ITGAE: variants seen among roughly 807,000 people sequenced by gnomAD.
ITGAE encodes the protein integrin subunit alpha E.
ITGAE carries 99 observed loss-of-function variants against 136.5 expected under a neutral mutation model. The observed-to-expected ratio is 0.73, with a 90% CI of 0.62 to 0.86. The LOEUF is 0.86. ITGAE is among the 40% of genes least tolerant of loss of function. The pLI is 0.00. For missense variants in ITGAE, 1,447 were observed against 1,515.3 expected (o/e 0.95, Z 0.75); for synonymous variants, 613 against 591.8 (o/e 1.04, Z -0.52).
intron 2 of ITGAE, among the ~76,000 whole-genome samples, chr17:3,768,513 G>A (rs923798437): frequency 2.6e-5 from 4 of 152,120 alleles, no homozygotes; most frequent in African/African-American, 9.7e-5. Flanking sequence ...GGTGACCAGC[G>A]CCAGCATTTC....
intron 2 of ITGAE, among the ~76,000 whole-genome samples, chr17:3,767,499 C>A (rs2052327851): frequency 6.6e-6 from 1 of 152,216 alleles, no homozygotes; most frequent in Admixed American, 6.5e-5. Flanking sequence ...TCCCAAAGTG[C>A]TGGAATTACA....
At chr17:3,731,333 T>C in intron 22 of ITGAE, 150 bp from the exon 23 acceptor site, 2 of 467,230 alleles carry the variant, frequency 4.3e-6, no homozygotes, top group Non-Finnish European at 7.6e-6. Flanking sequence ...TCCTTTCCCT[T>C]CCTTTTTTTT....
At position 3,794,540 on chromosome 17, in the gene ITGAE, T is replaced by C. The variant is rs143678314; in HGVS notation, c.34+6571A>G. Among the ~76,000 whole-genome samples the C allele has an allele frequency of 1.2e-3, 177 of 152,240 alleles. 1 individual carries two copies. Among genetic ancestry groups the C allele is most frequent in the African/African-American group, 4.1e-3 (171 of 41,552 alleles). On this transcript the variant is annotated intron_variant, in intron 1 of 30. Transcript: ENST00000263087. ...GCCTGGCATGGTGGCCCACCCTCGG[T>C]AGGTGCTGGGAGAGTGGCCACTTAC...
chr17:3,736,874 T>TGTTTGGTTTTG (rs1417373405), intron 20 of ITGAE, among the ~76,000 whole-genome samples: 17 of 151,634 alleles, frequency 1.1e-4, no homozygotes, highest in Admixed American at 5.9e-4. Context: ...TTGTTCCCAT[T>TGTTTGGTTTTG]GTTTGGTTTT....
rs545199726 is a variant in ITGAE at position 3,799,074 on chromosome 17, C to G, written c.34+2037G>C. Among the ~76,000 whole-genome samples the G allele has an allele frequency of 1.4e-4, 21 of 152,320 alleles. No individual in the cohort carries two copies. The highest frequency in any genetic ancestry group is 3.4e-3 in the Middle Eastern group (1 of 294). ...CAGCCTAAGGAGGCCCAACCCGGCACAGGGTACAGGGTGCTGGGCCTGGAG... is the reference window on the plus strand; with the variant it reads ...CAGCCTAAGGAGGCCCAACCCGGCAGAGGGTACAGGGTGCTGGGCCTGGAG... On this transcript the variant is annotated intron_variant, in intron 1 of 30. Transcript: ENST00000263087. The surrounding 1 kb of genome is among the most constrained non-coding windows in gnomAD (Gnocchi z 4.1).
At chr17:3,754,199 C>G (rs1046784787) in intron 12 of ITGAE, among the ~76,000 whole-genome samples, 13 of 152,180 alleles carry the variant, frequency 8.5e-5, no homozygotes, top group African/African-American at 2.9e-4. Context: ...TCACTACCCA[C>G]GCTCCCACAC....
chr17:3,762,037 C>G, intron 3 of ITGAE, 55 bp from the exon 4 acceptor site: 1 of 1,517,672 alleles, frequency 6.6e-7, no homozygotes, highest in Non-Finnish European at 9.1e-7. Flanking sequence ...AGGCAGAGAC[C>G]CGAAGCCAAG....
rs1378727156 is a variant in ITGAE at position 3,753,794 on chromosome 17, C to A, written c.1516G>T (p.Glu506Ter). The change falls in exon 13 of 31, where the codon GAG becomes TAG. Residue 506 changes from glutamate (E) to a stop codon, truncating the protein, a stop_gained. Coordinates refer to ENST00000263087, the MANE Select transcript of ITGAE (RefSeq NM_002208.5). LOFTEE classifies it high-confidence loss of function. ...TCCCCAGCAGGTACCTGCTCTCCCTCCAGCACTGGCAGGAAGCTGGCCTCT... is the reference window on the plus strand; with the variant it reads ...TCCCCAGCAGGTACCTGCTCTCCCTACAGCACTGGCAGGAAGCTGGCCTCT... ...GREASFLPVL[E>*]GEQMGSYFGS... 1 of 1,614,224 alleles carries A rather than the reference C, an allele frequency of 6.2e-7. No individual in the cohort carries two copies. Among genetic ancestry groups the A allele is most frequent in the Admixed American group, 1.7e-5 (1 of 60,032 alleles).
chr17:3,791,027 C>A (rs555775294), intron 1 of ITGAE, among the ~76,000 whole-genome samples: 1 of 151,376 alleles, frequency 6.6e-6, no homozygotes, highest in African/African-American at 2.4e-5. Context: ...TGGTGGTGGG[C>A]GCCTCTAGTC....
At chr17:3,765,406 A>G (rs542475765) in intron 2 of ITGAE, among the ~76,000 whole-genome samples, 83 of 151,566 alleles carry the variant, frequency 5.5e-4, no homozygotes, top group Admixed American at 9.9e-4. Context: ...GGGACAGACT[A>G]AAGAGCACAG....
At chr17:3,718,848 ATT>A (rs930270843) in intron 29 of ITGAE, among the ~76,000 whole-genome samples, 3 of 152,140 alleles carry the variant, frequency 2.0e-5, no homozygotes, top group Non-Finnish European at 4.4e-5. Context: ...TATTATTTTT[ATT>A]TGTTAAAATC....
intron 4 of ITGAE, 150 bp downstream of exon 4, chr17:3,761,765 T>G: frequency 1.4e-6 from 1 of 735,116 alleles, no homozygotes; most frequent in South Asian, 1.8e-5. Flanking sequence ...TGGTCAGAGC[T>G]ACAGTCAGCC....
chr17:3,723,963 A>T, intron 26 of ITGAE: 1 of 1,570,944 alleles, frequency 6.4e-7, no homozygotes, highest in Non-Finnish European at 8.6e-7. Flanking sequence ...GGGACCTGGG[A>T]GCCGGCTTTT....
chr17:3,723,598 G>A (rs148190626), intron 27 of ITGAE, 90 bp downstream of exon 27: 2 of 1,355,322 alleles, frequency 1.5e-6, no homozygotes, highest in East Asian at 5.0e-5. Flanking sequence ...TGGCCGGCAG[G>A]GGTAACCCAG....
intron 7 of ITGAE, among the ~76,000 whole-genome samples, chr17:3,759,793 G>A (rs576793779): frequency 2.6e-5 from 4 of 152,156 alleles, no homozygotes; most frequent in South Asian, 2.1e-4. Context: ...CCATACTGAC[G>A]ATGGGATTGG....
intron 13 of ITGAE, 35 bp downstream of exon 13, chr17:3,753,748 G>A (rs1356834812): frequency 3.7e-6 from 6 of 1,611,130 alleles, no homozygotes; most frequent in African/African-American, 2.7e-5. Context: ...ATTCCCCATC[G>A]GTCATAAGGG....
Position 3,714,930 on chromosome 17 carries a change from TA to T in ITGAE, c.3456del (p.Phe1152LeufsTer8). The stretch of plus-strand genomic sequence containing the variant: ...AAGTTCAGTTGTTGATATTTTCTTT[TA>T]AAAAAGCCACACTGAAACAAAGGAA... ...ILVILFKCGF[F>X]KRKYQQLNLE... On this transcript the variant is annotated frameshift_variant, in exon 31 of 31. Transcript: ENST00000263087. LOFTEE classifies it high-confidence loss of function. 1.9e-6 allele frequency: 3 copies of T among 1,601,310 alleles called. No homozygotes were observed. Among genetic ancestry groups the T allele is most frequent in the Non-Finnish European group, 2.6e-6 (3 of 1,172,904 alleles).
chr17:3,738,591 C>T (rs540561986), intron 20 of ITGAE, among the ~76,000 whole-genome samples: 22 of 152,350 alleles, frequency 1.4e-4, no homozygotes, highest in African/African-American at 5.0e-4. Flanking sequence ...GCGGTATCTG[C>T]GCTGCCCAAC....
In ITGAE at chr17:3,731,162, G is replaced by C. The variant is rs1349400779; in HGVS notation, c.2776C>G (p.Gln926Glu). Reference sequence around the variant, plus strand: ...TTTGGAAAGGCATTCTCCTCTAGCTGCCAAACGACTGAAACATGAGCCTAT... The same window carrying C: ...TTTGGAAAGGCATTCTCCTCTAGCTCCCAAACGACTGAAACATGAGCCTAT... ...RSSAHVSVVW[Q>E]LEENAFPNRT... The change falls in exon 23 of 31, where the codon CAG (glutamine) becomes GAG (glutamate). Residue 926 changes from glutamine (Q) to glutamate (E), a missense_variant. Coordinates refer to ENST00000263087, the MANE Select transcript of ITGAE (RefSeq NM_002208.5). The C allele has an allele frequency of 6.2e-7, 1 of 1,613,480 alleles. No homozygotes were observed. The highest frequency in any genetic ancestry group is 1.1e-5 in the South Asian group (1 of 91,064).
Sources: allele counts gnomAD v4.1 joint callset (sites outside exome capture counted in the v4.1 genomes callset), GRCh38; gene constraint gnomAD v4.1.1; non-coding constraint Gnocchi (gnomAD v3.1); transcripts MANE v1.5; gene names NCBI Gene and HGNC (gene_info 2026-07-23, HGNC 2026-07-21).